ALG3: variants seen among roughly 807,000 people sequenced by gnomAD.
ALG3 encodes ALG3 alpha-1,3- mannosyltransferase, also known as dol-P-Man:Man(5)GlcNAc(2)-PP-Dol alpha-1,3-mannosyltransferase.
Under a neutral mutation model 50.5 loss-of-function variants are expected in ALG3, and 39 were observed. The ratio of observed to expected loss-of-function variants is 0.77; its 90% CI spans 0.60 to 1.01. The LOEUF is 1.01. Among genes scored for constraint, ALG3 ranks in the 50% least tolerant of loss-of-function variants. The pLI, the probability that ALG3 is intolerant of heterozygous loss-of-function variation, is 0.00. For synonymous variants in ALG3, 252 were observed against 237.2 expected (o/e 1.06, Z -0.58); for missense variants, 520 against 554.8 (o/e 0.94, Z 0.63).
chr3:184,242,325 T>C lies in ALG3; in HGVS notation c.*189A>G. 1.2e-6 allele frequency: 1 copy of C among 823,216 alleles called. No homozygotes were observed. The highest frequency in any genetic ancestry group is 2.0e-6 in the Non-Finnish European group (1 of 495,402). The allele number at this position is 823,216 out of a possible 1,614,324, so 51.0% of individuals were successfully genotyped here. On this transcript the variant is annotated 3_prime_UTR_variant, in exon 9 of 9. Transcript: ENST00000397676. Reference sequence around the variant, plus strand: ...AAATCCTATGCAATAAAGTGCCTCTTAGGACTGCTTGAGTGAATTCTTTAT... The same window carrying C: ...AAATCCTATGCAATAAAGTGCCTCTCAGGACTGCTTGAGTGAATTCTTTAT...
chr3:184,247,724 C>T (rs933701609), intron 1 of ALG3, among the ~76,000 whole-genome samples: 4 of 152,216 alleles, frequency 2.6e-5, no homozygotes, highest in Non-Finnish European at 5.9e-5. Flanking sequence ...GCTGACTCCT[C>T]CAACCTGGTT....
intron 4 of ALG3, 99 bp from the exon 5 acceptor site, chr3:184,244,820 CCCCG>C (rs1719041400): frequency 6.7e-7 from 1 of 1,482,072 alleles, no homozygotes; most frequent in Non-Finnish European, 9.0e-7. Flanking sequence ...GCAACCTCCC[CCCCG>C]CCGCCACGCC....
upstream of ALG3, chr3:184,249,014 C>T (rs1455318209): frequency 2.0e-6 from 3 of 1,538,412 alleles, no homozygotes; most frequent in Admixed American, 5.9e-5. Flanking sequence ...TTCCGCTTCC[C>T]GTGCCTGGCG....
In ALG3 at chr3:184,242,994, TG is replaced by T. The variant is rs532747618; in HGVS notation, c.1010-38del. On this transcript the variant is annotated intron_variant, in intron 7 of 8. Transcript: ENST00000397676. The stretch of plus-strand genomic sequence containing the variant: ...TCAAGGCCAAGGGCAGGAGTGTGTG[TG>T]GGGGGGACTATCCCAAAACAGAGGG... 18 of 1,608,778 alleles carry T rather than the reference TG, an allele frequency of 1.1e-5. No individual in the cohort carries two copies. In the East Asian group the frequency reaches 2.2e-4, roughly 20 times the overall value.
Position 184,242,798 on chromosome 3 carries a change from T to A in ALG3, c.1154+15A>T, listed in dbSNP as rs1560161921. The A allele has an allele frequency of 6.2e-7, 1 of 1,613,262 alleles. No individual in the cohort carries two copies. Among genetic ancestry groups the A allele is most frequent in the Non-Finnish European group, 8.5e-7 (1 of 1,179,314 alleles). ...CCTATCCCTTCCCACTCCCCCAGGT[T>A]GTCCCAGCTGGTACCTGAGCAGGTG... On this transcript the variant is annotated intron_variant, in intron 8 of 8. Coordinates refer to ENST00000397676, the MANE Select transcript of ALG3 (RefSeq NM_005787.6).
At chr3:184,248,016 CT>C (rs575235372) in intron 1 of ALG3, among the ~76,000 whole-genome samples, 4,511 of 125,340 alleles carry the variant, frequency 0.036, 222 homozygotes, top group African/African-American at 0.12. Flanking sequence ...CGGCTAAATT[CT>C]TTTTTTTTTT....
upstream of ALG3, chr3:184,249,289 C>T: frequency 6.2e-7 from 1 of 1,608,978 alleles, no homozygotes. Context: ...TGTGTTCATG[C>T]TGTCTCTCCA....
Position 184,242,312 on chromosome 3 carries a change from A to G in ALG3, c.*202T>C. On this transcript the variant is annotated 3_prime_UTR_variant, in exon 9 of 9. Coordinates refer to ENST00000397676, the MANE Select transcript of ALG3 (RefSeq NM_005787.6). ...AGCCACAGTCCCCAAATCCTATGCA[A>G]TAAAGTGCCTCTTAGGACTGCTTGA... 3 of 781,832 alleles carry G rather than the reference A, an allele frequency of 3.8e-6. No homozygotes were observed. The highest frequency in any genetic ancestry group is 6.5e-6 in the Non-Finnish European group (3 of 461,416). The allele number at this position is 781,832 out of a possible 1,614,324, so 48.4% of individuals were successfully genotyped here.
rs370523588 is a variant in ALG3, at chr3:184,245,073, C to T, written c.605+125G>A. 1.2e-5 allele frequency: 16 copies of T among 1,283,498 alleles called. No individual in the cohort carries two copies. In the East Asian group the frequency reaches 2.3e-4, roughly 18 times the overall value. 79.5% of individuals were successfully genotyped at this position (1,283,498 alleles called of 1,614,324 possible). Reference sequence around the variant, plus strand: ...AGAAACTTTCTATAGATCCTGGACTCGCTTTGTGGAGCCCTGAGTGACCCA... The same window carrying T: ...AGAAACTTTCTATAGATCCTGGACTTGCTTTGTGGAGCCCTGAGTGACCCA... On this transcript the variant is annotated intron_variant, in intron 4 of 8. Transcript: ENST00000397676.
intron 1 of ALG3, among the ~76,000 whole-genome samples, chr3:184,247,006 G>A (rs1719189116): frequency 6.6e-6 from 1 of 152,134 alleles, no homozygotes. Context: ...CCCGGTTCGA[G>A]CCATTTTCCC....
At chr3:184,248,601 C>T in intron 1 of ALG3, 144 bp downstream of exon 1, 2 of 740,002 alleles carry the variant, frequency 2.7e-6, no homozygotes. Flanking sequence ...GCAGGCTTGG[C>T]GCTCAGGTAA....
chr3:184,249,115 C>G, upstream of ALG3: 1 of 1,482,466 alleles, frequency 6.7e-7, no homozygotes, highest in Non-Finnish European at 9.2e-7. Flanking sequence ...CTGATGCACT[C>G]CACGCTCCAT....
chr3:184,248,771 G>C lies in ALG3; in HGVS notation c.170C>G (p.Thr57Ser), dbSNP rs1577109211. The C allele has an allele frequency of 6.3e-7, 1 of 1,597,598 alleles. No homozygotes were observed. Among genetic ancestry groups the C allele is most frequent in the Non-Finnish European group, 8.6e-7 (1 of 1,169,554 alleles). Reference sequence around the variant, plus strand: ...TGCCACCCTGTGAATGACCCAGAAGGTGATGCCCACCTCCGCCAGGCAGAG... The same window carrying C: ...TGCCACCCTGTGAATGACCCAGAAGCTGATGCCCACCTCCGCCAGGCAGAG... ...ACLCLAEVGI[T>S]FWVIHRVAYT... The change falls in exon 1 of 9, where the codon ACC becomes AGC. Residue 57 changes from threonine to serine, a missense_variant. By Grantham distance (58) the Thr-to-Ser change is moderately conservative. Around this residue, in one of 3 missense-constraint regions of ALG3, gnomAD observed 290 missense variants for 265.9 expected, o/e 1.09. Coordinates refer to ENST00000397676, the MANE Select transcript of ALG3 (RefSeq NM_005787.6).
chr3:184,247,882 G>A (rs954533823), intron 1 of ALG3, among the ~76,000 whole-genome samples: 11 of 147,538 alleles, frequency 7.5e-5, no homozygotes, highest in African/African-American at 2.8e-4. Context: ...GTCTTGCTCT[G>A]TCGCCCAGGC....
At chr3:184,246,946 C>T (rs777842783) in intron 1 of ALG3, among the ~76,000 whole-genome samples, 45 of 152,128 alleles carry the variant, frequency 3.0e-4, no homozygotes, top group South Asian at 6.2e-4. Flanking sequence ...GCTCAGCCAC[C>T]CAGGCTGGAG....
rs1718972249 is a variant in ALG3 at position 184,243,799 on chromosome 3, C to T, written c.924G>A (p.Arg308=). The T allele has an allele frequency of 6.2e-7, 1 of 1,613,416 alleles. No individual in the cohort carries two copies. The highest frequency in any genetic ancestry group is 1.3e-5 in the African/African-American group (1 of 74,930). Residue 308 remains arginine, a synonymous_variant, in exon 6 of 9, where the codon AGG becomes AGA. Transcript: ENST00000397676. ...CTACTGCCTTTTCTCACCTGTGCCACCTGCAGAGGGCAAACAGCAGGAGCA... is the reference window on the plus strand; with the variant it reads ...CTACTGCCTTTTCTCACCTGTGCCATCTGCAGAGGGCAAACAGCAGGAGCA... The part of the protein sequence containing the change: ...LTLLLLFALC[R]WHRTGESILS...
upstream of ALG3, chr3:184,249,468 G>C: frequency 2.7e-6 from 2 of 749,546 alleles, no homozygotes; most frequent in South Asian, 3.7e-5. Flanking sequence ...CCTTGAGTGC[G>C]GCCCTAGGAA....
At position 184,245,275 on chromosome 3, in the gene ALG3, T is replaced by C. The variant is rs762876819; in HGVS notation, c.528A>G (p.Pro176=). The C allele has an allele frequency of 1.2e-6, 2 of 1,613,528 alleles. No individual in the cohort carries two copies. Among genetic ancestry groups the C allele is most frequent in the African/African-American group, 1.3e-5 (1 of 74,876 alleles). ...SIFVLRLFND[P]VAMVLLFLSI... is the part of the protein sequence containing the mutation. The stretch of plus-strand genomic sequence containing the variant: ...TGAGGAAGAGCAGCACCATGGCCAC[T>C]GGGTCATTGAAGAGCCGCAGCACAA... Residue 176 remains proline, a synonymous_variant, in exon 4 of 9, where the codon CCA becomes CCG. Transcript: ENST00000397676.
Position 184,242,654 on chromosome 3 carries a change from C to T in ALG3, c.1177G>A (p.Glu393Lys), listed in dbSNP as rs373981212. The T allele has an allele frequency of 9.0e-6, 14 of 1,560,230 alleles. No homozygotes were observed. The highest frequency in any genetic ancestry group is 6.8e-5 in the East Asian group (3 of 44,344). ...GAAGGGTATGTGTTCCAGGAGAGCT[C>T]GATGAGCCCCAGCACCAACAACCTG... is the stretch of plus-strand genomic sequence containing the variant. ...LLRLLVLGLI[E>K]LSWNTYPSTS... is the part of the protein sequence containing the mutation. Residue 393 changes from glutamate (E) to lysine (K), a missense_variant, in exon 9 of 9, where the codon GAG becomes AAG. Physicochemically the swap from Glu to Lys is moderately conservative, Grantham distance 56. Coordinates refer to ENST00000397676, the MANE Select transcript of ALG3 (RefSeq NM_005787.6).
Sources: allele counts gnomAD v4.1 joint callset (sites outside exome capture counted in the v4.1 genomes callset), GRCh38; gene constraint gnomAD v4.1.1; regional missense constraint gnomAD v4.1.1; transcripts MANE v1.5; gene names NCBI Gene and HGNC (gene_info 2026-07-23, HGNC 2026-07-21).